Variants in C3orf33 observed in about 807,000 individuals in gnomAD.
C3orf33 encodes mitochondrial inner membrane subdomain organizer 1, also known as AP-1 activity suppressor.
A neutral mutation model predicts 28.7 loss-of-function variants in C3orf33; 23 were observed. That is an observed-to-expected ratio of 0.80 (90% CI 0.58 to 1.13). The LOEUF (loss-of-function observed/expected upper bound fraction) is 1.13, where lower values mean the gene tolerates loss of function less well. Ranked by LOEUF, C3orf33 falls within the 50% of genes most tolerant of loss-of-function variation. The pLI, the probability that C3orf33 is intolerant of heterozygous loss-of-function variation, is 0.00. For missense variants in C3orf33, 327 were observed against 353.4 expected, an observed-to-expected ratio of 0.93 and a Z score of 0.60; for synonymous variants, 119 against 120.5, an observed-to-expected ratio of 0.99 and a Z score of 0.08.
intron 3 of C3orf33, among the ~76,000 whole-genome samples, chr3:155,775,042 A>T (rs1750698869): frequency 6.6e-6 from 1 of 151,946 alleles, no homozygotes; most frequent in South Asian, 2.1e-4. Flanking sequence ...ACAACTTTTC[A>T]TTTGTTTGTT....
intron 2 of C3orf33, among the ~76,000 whole-genome samples, chr3:155,794,602 A>C (rs1318035822): frequency 1.3e-5 from 2 of 152,156 alleles, no homozygotes; most frequent in African/African-American, 4.8e-5. Flanking sequence ...ATGGATTAAA[A>C]AAACAAGACC....
At chr3:155,777,934 G>A (rs1365388135) in intron 2 of C3orf33, among the ~76,000 whole-genome samples, 1 of 152,078 alleles carries the variant, frequency 6.6e-6, no homozygotes, top group Non-Finnish European at 1.5e-5. Flanking sequence ...GACAGATCAT[G>A]AGGTCAATAG....
chr3:155,764,793 T>G (rs1577408265), intron 4 of C3orf33, among the ~76,000 whole-genome samples: 1 of 150,946 alleles, frequency 6.6e-6, no homozygotes, highest in East Asian at 2.0e-4. Flanking sequence ...GAGGCAGAGG[T>G]TGCAGTGAGC....
rs1294209517 is a variant in C3orf33, at chr3:155,763,807, T to C, written c.595A>G (p.Arg199Gly). Residue 199 changes from arginine to glycine, a missense_variant, in exon 5 of 5, where the codon AGA becomes GGA. Physicochemically the swap from Arg to Gly is moderately radical, Grantham distance 125. Coordinates refer to ENST00000340171, the MANE Select transcript of C3orf33 (RefSeq NM_001308229.2). ...YDSKIYWTVH[R>G]NLLKAELTAL... ...GTTAATTCAGCTTTAAGTAAGTTTC[T>C]GTGAACTGTCCAGTAGATTTTAGAA... The C allele has an allele frequency of 2.5e-6, 4 of 1,604,864 alleles. No homozygotes were observed. Among genetic ancestry groups the C allele is most frequent in the Non-Finnish European group, 2.5e-6 (3 of 1,176,554 alleles).
chr3:155,800,651 C>T (rs1286486116), intron 2 of C3orf33, among the ~76,000 whole-genome samples: 4 of 73,852 alleles, frequency 5.4e-5, no homozygotes, highest in African/African-American at 2.0e-4. Flanking sequence ...AGGCAACATA[C>T]AGAATGGATG....
At chr3:155,775,263 G>A (rs532626292) in intron 3 of C3orf33, among the ~76,000 whole-genome samples, 8 of 152,270 alleles carry the variant, frequency 5.3e-5, no homozygotes, top group African/African-American at 1.7e-4. Context: ...GCCGAGGTGG[G>A]CGGATCACCT....
At chr3:155,784,176 T>C (rs1441511022) in intron 2 of C3orf33, among the ~76,000 whole-genome samples, 2 of 152,014 alleles carry the variant, frequency 1.3e-5, no homozygotes, top group African/African-American at 4.8e-5. Context: ...GTGATCCTCC[T>C]GCCTCAGCCT....
chr3:155,777,133 G>A (rs1750774182), intron 2 of C3orf33, among the ~76,000 whole-genome samples: 1 of 151,882 alleles, frequency 6.6e-6, no homozygotes, highest in South Asian at 2.1e-4. Context: ...GCCTCAACAT[G>A]GAGAAACCTC....
intron 2 of C3orf33, among the ~76,000 whole-genome samples, chr3:155,797,490 C>A (rs1246772600): frequency 1.3e-5 from 2 of 152,030 alleles, no homozygotes; most frequent in Non-Finnish European, 2.9e-5. Context: ...TAAAGAGCAT[C>A]TGAACTGCAA....
At chr3:155,791,312 C>A (rs1751307737) in intron 2 of C3orf33, among the ~76,000 whole-genome samples, 1 of 152,060 alleles carries the variant, frequency 6.6e-6, no homozygotes. Flanking sequence ...CTTGAATAAC[C>A]AACAGCAATA....
chr3:155,778,206 A>G (rs1413529746), intron 2 of C3orf33, among the ~76,000 whole-genome samples: 1 of 152,020 alleles, frequency 6.6e-6, no homozygotes, highest in Non-Finnish European at 1.5e-5. Context: ...CTAATGAGAC[A>G]TAACAAGTAA....
intron 4 of C3orf33, among the ~76,000 whole-genome samples, chr3:155,764,688 T>TAA (rs565230610): frequency 5.8e-4 from 85 of 146,012 alleles, no homozygotes; most frequent in African/African-American, 2.0e-3. Context: ...CCACCTCTGC[T>TAA]AAAAAAAAAA....
intron 3 of C3orf33, among the ~76,000 whole-genome samples, chr3:155,770,757 C>T (rs1469618199): frequency 6.6e-6 from 1 of 152,000 alleles, no homozygotes; most frequent in East Asian, 1.9e-4. Context: ...CAACCTCTGC[C>T]TCAAGTGATT....
At chr3:155,783,154 T>A (rs889065479) in intron 2 of C3orf33, among the ~76,000 whole-genome samples, 12 of 148,146 alleles carry the variant, frequency 8.1e-5, no homozygotes, top group African/African-American at 3.1e-4. Context: ...CAACCCATTC[T>A]ACATTTTTTT....
intron 4 of C3orf33, among the ~76,000 whole-genome samples, chr3:155,764,376 T>C (rs1750331054): frequency 6.6e-6 from 1 of 152,184 alleles, no homozygotes; most frequent in African/African-American, 2.4e-5. Flanking sequence ...GGTTCAGAAT[T>C]CCAGTGTTTT....
intron 2 of C3orf33, among the ~76,000 whole-genome samples, chr3:155,780,321 A>G (rs1750880865): frequency 6.6e-6 from 1 of 152,216 alleles, no homozygotes; most frequent in Admixed American, 6.5e-5. Context: ...AGACAAAGAA[A>G]ATAAGGGTTT....
At chr3:155,778,613 G>A (rs184224740) in intron 2 of C3orf33, among the ~76,000 whole-genome samples, 1 of 152,282 alleles carries the variant, frequency 6.6e-6, no homozygotes, top group Non-Finnish European at 1.5e-5. Context: ...TGTGAAATAT[G>A]CAGAATATAA....
intron 2 of C3orf33, among the ~76,000 whole-genome samples, chr3:155,790,785 G>C (rs1294772370): frequency 6.6e-6 from 1 of 152,180 alleles, no homozygotes; most frequent in African/African-American, 2.4e-5. Flanking sequence ...GCCCTAGCCA[G>C]AAGGGAATCA....
chr3:155,802,043 C>T (rs2109283677), intron 2 of C3orf33, among the ~76,000 whole-genome samples: 1 of 152,264 alleles, frequency 6.6e-6, no homozygotes, highest in South Asian at 2.1e-4. Context: ...TAAGCCACCG[C>T]CCCGCCCCCT....
Sources: allele counts gnomAD v4.1 joint callset (sites outside exome capture counted in the v4.1 genomes callset), GRCh38; gene constraint gnomAD v4.1.1; transcripts MANE v1.5; gene names NCBI Gene and HGNC (gene_info 2026-07-23, HGNC 2026-07-21).